The following R3HCC1L variants were observed in gnomAD, a reference collection of about 807,000 sequenced individuals.
R3HCC1L encodes coiled-coil domain-containing protein R3HCC1L.
In R3HCC1L, 51 loss-of-function variants were observed where a neutral mutation model predicts 59.9. The ratio of observed to expected loss-of-function variants is 0.85; its 90% CI spans 0.68 to 1.07. R3HCC1L has a LOEUF of 1.07. Ranked by LOEUF, R3HCC1L falls within the 50% of genes least tolerant of loss-of-function variation. The pLI, the probability that R3HCC1L is intolerant of heterozygous loss-of-function variation, is 0.00. For missense variants in R3HCC1L, 965 were observed against 933.0 expected (o/e 1.03, Z -0.45); for synonymous variants, 322 against 315.2 (o/e 1.02, Z -0.23).
chr10:98,188,107 A>G (rs780763477), intron 4 of R3HCC1L, among the ~76,000 whole-genome samples: 44 of 150,246 alleles, frequency 2.9e-4, no homozygotes, highest in Non-Finnish European at 5.7e-4. Context: ...ACACAATCTC[A>G]AATTAAGGAG....
chr10:98,146,799 A>G (rs1258935260), intron 1 of R3HCC1L, among the ~76,000 whole-genome samples: 1 of 152,176 alleles, frequency 6.6e-6, no homozygotes, highest in Non-Finnish European at 1.5e-5. Flanking sequence ...TCTTACATGT[A>G]TCTATTGATG....
intron 4 of R3HCC1L, among the ~76,000 whole-genome samples, chr10:98,166,244 G>A (rs1420041507): frequency 6.6e-6 from 1 of 152,140 alleles, no homozygotes; most frequent in Non-Finnish European, 1.5e-5. Flanking sequence ...AGAATACAAT[G>A]GGAAATCAAC....
chr10:98,155,025 G>A (rs77513559), intron 1 of R3HCC1L, among the ~76,000 whole-genome samples: 3,277 of 152,272 alleles, frequency 0.022, 41 homozygotes, highest in South Asian at 0.054. Flanking sequence ...TGACAACAGT[G>A]TGAAGTAAAA....
chr10:98,152,015 C>T (rs1251990918), intron 1 of R3HCC1L, among the ~76,000 whole-genome samples: 2 of 152,212 alleles, frequency 1.3e-5, no homozygotes, highest in Admixed American at 1.3e-4. Context: ...CGAAGCTGGA[C>T]TGTACTGCTG....
At chr10:98,152,417 G>C (rs1209230720) in intron 1 of R3HCC1L, among the ~76,000 whole-genome samples, 3 of 144,468 alleles carry the variant, frequency 2.1e-5, no homozygotes, top group African/African-American at 7.6e-5. Flanking sequence ...GCCGCCCATC[G>C]TCTGGGATGT....
At chr10:98,194,781 C>CTGT (rs77886155) in intron 4 of R3HCC1L, among the ~76,000 whole-genome samples, 28,334 of 152,002 alleles carry the variant, frequency 0.19, 2,738 homozygotes, top group Middle Eastern at 0.21. Flanking sequence ...TATCTCACAC[C>CTGT]TAAGATGGCC....
intron 1 of R3HCC1L, among the ~76,000 whole-genome samples, chr10:98,138,674 A>G (rs1174533398): frequency 6.6e-6 from 1 of 152,234 alleles, no homozygotes; most frequent in Non-Finnish European, 1.5e-5. Flanking sequence ...AGTTCTGAAT[A>G]GGAACATTTT....
chr10:98,169,429 G>A (rs1848292167), intron 4 of R3HCC1L, among the ~76,000 whole-genome samples: 1 of 152,166 alleles, frequency 6.6e-6, no homozygotes, highest in African/African-American at 2.4e-5. Flanking sequence ...GGAACCAAAT[G>A]AGATAATGTA....
At chr10:98,152,214 C>T (rs943006569) in intron 1 of R3HCC1L, among the ~76,000 whole-genome samples, 15 of 152,208 alleles carry the variant, frequency 9.9e-5, no homozygotes, top group Non-Finnish European at 1.6e-4. Flanking sequence ...CTCGGCCTCC[C>T]GAGGTGCCGG....
At chr10:98,189,285 T>C (rs1361190265) in intron 4 of R3HCC1L, among the ~76,000 whole-genome samples, 2 of 152,178 alleles carry the variant, frequency 1.3e-5, no homozygotes, top group Non-Finnish European at 2.9e-5. Context: ...AGTACAGCTG[T>C]GCATTGCATA....
chr10:98,239,955 A>G (rs1857355053), intron 9 of R3HCC1L, among the ~76,000 whole-genome samples: 1 of 152,102 alleles, frequency 6.6e-6, no homozygotes, highest in African/African-American at 2.4e-5. Flanking sequence ...TTGGCCTCCT[A>G]AAGTGCTGGA....
At chr10:98,155,036 C>T (rs1014535440) in intron 1 of R3HCC1L, among the ~76,000 whole-genome samples, 2 of 152,188 alleles carry the variant, frequency 1.3e-5, no homozygotes, top group Admixed American at 6.5e-5. Flanking sequence ...TGAAGTAAAA[C>T]TGATGGTAAA....
chr10:98,202,954 G>A (rs573248442), intron 4 of R3HCC1L, among the ~76,000 whole-genome samples: 182 of 152,146 alleles, frequency 1.2e-3, no homozygotes, highest in African/African-American at 4.1e-3. Flanking sequence ...CTAGAATGTC[G>A]GAGGCTTAAG....
chr10:98,227,050 T>G (rs1462796332), intron 5 of R3HCC1L, among the ~76,000 whole-genome samples: 1 of 152,224 alleles, frequency 6.6e-6, no homozygotes, highest in Non-Finnish European at 1.5e-5. Context: ...GAACATTCTC[T>G]TCTGCTTTCT....
chr10:98,198,185 G>A (rs751411459), intron 4 of R3HCC1L, among the ~76,000 whole-genome samples: 2 of 152,044 alleles, frequency 1.3e-5, no homozygotes, highest in African/African-American at 2.4e-5. Context: ...AGGGAGAGGA[G>A]AGCAGTGAAT....
At chr10:98,187,086 A>C (rs1850294549) in intron 4 of R3HCC1L, among the ~76,000 whole-genome samples, 1 of 152,130 alleles carries the variant, frequency 6.6e-6, no homozygotes, top group African/African-American at 2.4e-5. Context: ...TCATTCATTG[A>C]CTTATTTGGT....
At chr10:98,204,924 G>A (rs1262756582) in intron 4 of R3HCC1L, among the ~76,000 whole-genome samples, 1 of 152,008 alleles carries the variant, frequency 6.6e-6, no homozygotes, top group Non-Finnish European at 1.5e-5. Context: ...ATAAGAGTGG[G>A]GACTACTGTA....
At chr10:98,173,250 T>C (rs1848685965) in intron 4 of R3HCC1L, among the ~76,000 whole-genome samples, 1 of 152,190 alleles carries the variant, frequency 6.6e-6, no homozygotes, top group African/African-American at 2.4e-5. Context: ...CTGGTTCTTT[T>C]GCAGGAACAT....
intron 4 of R3HCC1L, among the ~76,000 whole-genome samples, chr10:98,172,529 G>A (rs573899182): frequency 6.6e-6 from 1 of 152,316 alleles, no homozygotes; most frequent in East Asian, 1.9e-4. Flanking sequence ...GTGGTTTGGA[G>A]AAAGTAGAAA....
Sources: gnomAD v4.1 joint callset for allele counts (sites outside exome capture counted in the v4.1 genomes callset) on GRCh38, gnomAD v4.1.1 for gene constraint, MANE v1.5 for transcripts, NCBI Gene and HGNC (gene_info 2026-07-23, HGNC 2026-07-21) for gene names.